The following TG variants were observed in gnomAD, a reference collection of about 807,000 sequenced individuals.
TG encodes thyroid hormones.
Under a neutral mutation model 324.7 loss-of-function variants are expected in TG, and 270 were observed. The ratio of observed to expected loss-of-function variants is 0.83; its 90% CI spans 0.75 to 0.92. The LOEUF (loss-of-function observed/expected upper bound fraction) is 0.92, where lower values mean the gene tolerates loss of function less well. TG is among the 40% of genes least tolerant of loss of function. The probability of loss-of-function intolerance (pLI) is 0.00; values close to 1 mark genes in which losing one functional copy is unlikely to be tolerated. For missense variants in TG, 3,591 were observed against 3,456.4 expected (o/e 1.04, Z -0.98); for synonymous variants, 1,401 against 1,327.0 (o/e 1.06, Z -1.21).
At chr8:133,080,769 C>T (rs1417419580) in intron 41 of TG, among the ~76,000 whole-genome samples, 3 of 152,244 alleles carry the variant, frequency 2.0e-5, no homozygotes, top group Non-Finnish European at 2.9e-5. Flanking sequence ...CTCACCTCTT[C>T]CTCATGCACT....
intron 20 of TG, among the ~76,000 whole-genome samples, 175 bp from the exon 21 acceptor site, chr8:132,919,201 C>T (rs115622774): frequency 1.4e-3 from 219 of 152,304 alleles, no homozygotes; most frequent in African/African-American, 5.1e-3. Context: ...CTGACTTCTT[C>T]ACAGCTGCTT....
chr8:132,995,246 T>G, intron 35 of TG: 7 of 969,684 alleles, frequency 7.2e-6, no homozygotes, highest in Non-Finnish European at 7.3e-6. Flanking sequence ...TACCTACAAG[T>G]TGAGATTTGG....
At chr8:133,132,261 T>A (rs529524548) in intron 46 of TG, among the ~76,000 whole-genome samples, 1 of 152,202 alleles carries the variant, frequency 6.6e-6, no homozygotes, top group Non-Finnish European at 1.5e-5. Context: ...CATTGTAGGA[T>A]GTTTAACAGC....
intron 40 of TG, among the ~76,000 whole-genome samples, chr8:133,025,978 C>T (rs1836032317): frequency 6.6e-6 from 1 of 152,164 alleles, no homozygotes; most frequent in East Asian, 1.9e-4. Flanking sequence ...TGCAGGGCGT[C>T]TCACGTGAGA....
At chr8:132,975,951 A>C (rs1830121160) in intron 34 of TG, among the ~76,000 whole-genome samples, 1 of 152,152 alleles carries the variant, frequency 6.6e-6, no homozygotes, top group South Asian at 2.1e-4. Context: ...AAGTTTTTCA[A>C]CTTTACTGAG....
At chr8:132,990,174 A>G (rs915974101) in intron 35 of TG, among the ~76,000 whole-genome samples, 1 of 148,776 alleles carries the variant, frequency 6.7e-6, no homozygotes, top group Non-Finnish European at 1.5e-5. Flanking sequence ...ATATATATAT[A>G]TATATATAAT....
chr8:132,948,426 C>T (rs1282058937), intron 26 of TG, among the ~76,000 whole-genome samples: 7 of 152,118 alleles, frequency 4.6e-5, no homozygotes, highest in South Asian at 4.1e-4. Context: ...AAAATCACCC[C>T]GTTCAGCAGG....
chr8:132,985,471 T>C (rs2130712538), intron 35 of TG, among the ~76,000 whole-genome samples: 1 of 152,300 alleles, frequency 6.6e-6, no homozygotes, highest in Non-Finnish European at 1.5e-5. Flanking sequence ...GAGACTTAGC[T>C]CTCTGTCTCT....
At chr8:132,949,040 G>T in intron 27 of TG, 97 bp downstream of exon 27, 2 of 1,103,960 alleles carry the variant, frequency 1.8e-6, no homozygotes, top group Non-Finnish European at 2.7e-6. Context: ...GTGGCCTGAG[G>T]AGCTTATACT....
intron 35 of TG, among the ~76,000 whole-genome samples, chr8:132,996,737 G>A (rs190336580): frequency 3.9e-5 from 6 of 152,316 alleles, no homozygotes; most frequent in Admixed American, 3.9e-4. Flanking sequence ...TGGTGGAGGA[G>A]GCAGCTGTAG....
intron 20 of TG, among the ~76,000 whole-genome samples, chr8:132,915,646 A>C (rs1299312771): frequency 5.3e-5 from 8 of 152,198 alleles, no homozygotes; most frequent in African/African-American, 1.4e-4. Context: ...TGTTTTAGAC[A>C]TTGGGGGCCA....
chr8:132,950,061 G>C (rs980007466), intron 27 of TG, among the ~76,000 whole-genome samples: 8 of 152,230 alleles, frequency 5.3e-5, no homozygotes, highest in Non-Finnish European at 1.2e-4. Context: ...AGGAATCTGT[G>C]TTCTAACAAG....
At chr8:133,045,291 C>T (rs1179927319) in intron 41 of TG, among the ~76,000 whole-genome samples, 3 of 152,084 alleles carry the variant, frequency 2.0e-5, no homozygotes, top group Non-Finnish European at 2.9e-5. Context: ...TGTTGCTTCC[C>T]GTTAGAGACT....
intron 27 of TG, among the ~76,000 whole-genome samples, chr8:132,960,526 G>A (rs2130330142): frequency 6.6e-6 from 1 of 152,352 alleles, no homozygotes; most frequent in Admixed American, 6.5e-5. Context: ...TTATTAATCG[G>A]TTGAGTTGTG....
At chr8:132,980,911 C>G (rs182617253) in intron 34 of TG, among the ~76,000 whole-genome samples, 263 of 147,202 alleles carry the variant, frequency 1.8e-3, no homozygotes, top group African/African-American at 5.5e-3. Flanking sequence ...CCTATCTCAT[C>G]AGATTGTTAG....
intron 43 of TG, among the ~76,000 whole-genome samples, chr8:133,101,266 G>A (rs1849217489): frequency 6.6e-6 from 1 of 152,196 alleles, no homozygotes; most frequent in African/African-American, 2.4e-5. Flanking sequence ...ACTGAGTTAT[G>A]AGCTATGCTC....
chr8:133,077,607 G>A (rs148789518), intron 41 of TG, among the ~76,000 whole-genome samples: 79 of 152,350 alleles, frequency 5.2e-4, no homozygotes, highest in Non-Finnish European at 9.4e-4. Context: ...ACCAGAGACG[G>A]CAGGGCTGAA....
At chr8:132,971,679 G>T in intron 32 of TG, 115 bp from the exon 33 acceptor site, 1 of 753,874 alleles carries the variant, frequency 1.3e-6, no homozygotes, top group Middle Eastern at 2.6e-4. Context: ...GTTTAAGTAG[G>T]GGGTAAAAAA....
intron 17 of TG, 57 bp downstream of exon 17, chr8:132,906,957 G>C: frequency 6.5e-7 from 1 of 1,540,766 alleles, no homozygotes; most frequent in Non-Finnish European, 8.8e-7. Context: ...GCTAGGGCTG[G>C]GACCGAGATA....
Sources: gnomAD v4.1 joint callset for allele counts (sites outside exome capture counted in the v4.1 genomes callset) on GRCh38, gnomAD v4.1.1 for gene constraint, MANE v1.5 for transcripts, NCBI Gene and HGNC (gene_info 2026-07-23, HGNC 2026-07-21) for gene names.